SDK1: variants seen among roughly 807,000 people sequenced by gnomAD.
SDK1 encodes the protein sidekick cell adhesion molecule 1, also known as protein sidekick-1.
A neutral mutation model predicts 245.5 loss-of-function variants in SDK1; 157 were observed. The ratio of observed to expected loss-of-function variants is 0.64; its 90% CI spans 0.56 to 0.73. The LOEUF (loss-of-function observed/expected upper bound fraction) is 0.73. Ranked by LOEUF, SDK1 falls within the 30% of genes least tolerant of loss-of-function variation. The pLI is 0.00. For missense variants in SDK1, 3,583 were observed against 3,002.3 expected, an observed-to-expected ratio of 1.19 and a Z score of -4.52; for synonymous variants, 1,647 against 1,278.5, an observed-to-expected ratio of 1.29 and a Z score of -6.15.
intron 30 of SDK1, 86 bp from the exon 31 acceptor site, chr7:4,158,362 C>T (rs1056457339): frequency 1.2e-5 from 13 of 1,091,286 alleles, no homozygotes; most frequent in Non-Finnish European, 1.8e-5. Context: ...AGGGATTTGC[C>T]CCTCTTCCCA....
intron 1 of SDK1, among the ~76,000 whole-genome samples, chr7:3,595,273 C>T (rs994153073): frequency 2.2e-4 from 33 of 151,622 alleles, no homozygotes; most frequent in Non-Finnish European, 2.2e-4. Flanking sequence ...CTACCCTATT[C>T]GTAACTTTAT....
At chr7:4,227,313 T>C in intron 40 of SDK1, 1 of 464,556 alleles carries the variant, frequency 2.2e-6, no homozygotes, top group Non-Finnish European at 4.5e-6. Context: ...TGACAGCTTG[T>C]CAGCCCGGCT....
chr7:3,903,245 T>G (rs1199445216), intron 5 of SDK1, among the ~76,000 whole-genome samples: 4 of 150,582 alleles, frequency 2.7e-5, no homozygotes, highest in Admixed American at 6.6e-5. Flanking sequence ...CCGGGTTCAC[T>G]CCATTCTCCT....
At chr7:3,906,286 C>CA (rs1280682732) in intron 5 of SDK1, among the ~76,000 whole-genome samples, 1 of 152,020 alleles carries the variant, frequency 6.6e-6, no homozygotes, top group African/African-American at 2.4e-5. Context: ...TCATTTTTAA[C>CA]TTATTTTGTA....
chr7:3,964,135 G>C (rs1167185832), intron 9 of SDK1, among the ~76,000 whole-genome samples: 1 of 152,256 alleles, frequency 6.6e-6, no homozygotes, highest in Non-Finnish European at 1.5e-5. Flanking sequence ...ACTACACACA[G>C]AAAATGGTAG....
chr7:3,610,003 G>C (rs1437181621), intron 1 of SDK1, among the ~76,000 whole-genome samples: 2 of 152,170 alleles, frequency 1.3e-5, no homozygotes, highest in Non-Finnish European at 2.9e-5. Context: ...ACCTGGCATA[G>C]AGCTGGGATT....
At chr7:3,831,810 G>C (rs1779918970) in intron 5 of SDK1, among the ~76,000 whole-genome samples, 1 of 152,074 alleles carries the variant, frequency 6.6e-6, no homozygotes, top group African/African-American at 2.4e-5. Context: ...GCTTTGGGAG[G>C]CTGAGGCAGG....
intron 7 of SDK1, among the ~76,000 whole-genome samples, chr7:3,955,388 T>C (rs1457682591): frequency 1.3e-5 from 2 of 152,222 alleles, no homozygotes; most frequent in African/African-American, 2.4e-5. Flanking sequence ...CCTCTCCTTT[T>C]AGGGGCTCAC....
At chr7:3,666,317 T>C (rs1387962830) in intron 4 of SDK1, among the ~76,000 whole-genome samples, 1 of 152,218 alleles carries the variant, frequency 6.6e-6, no homozygotes, top group Non-Finnish European at 1.5e-5. Flanking sequence ...CCTTGTACAC[T>C]GTCCCAGCTG....
At chr7:3,724,769 A>T (rs1778959793) in intron 4 of SDK1, among the ~76,000 whole-genome samples, 1 of 152,094 alleles carries the variant, frequency 6.6e-6, no homozygotes, top group African/African-American at 2.4e-5. Flanking sequence ...CGGAAGGAAA[A>T]AGGAATGAGG....
chr7:4,063,200 A>T (rs1779647849), intron 19 of SDK1, among the ~76,000 whole-genome samples: 1 of 152,164 alleles, frequency 6.6e-6, no homozygotes. Context: ...TGTCTAAACA[A>T]ACCTAGACTC....
chr7:3,997,621 T>C (rs1358158210), intron 14 of SDK1, among the ~76,000 whole-genome samples: 3 of 152,156 alleles, frequency 2.0e-5, no homozygotes, highest in East Asian at 3.9e-4. Context: ...CCTCCTGTCA[T>C]CTGCTCAGCT....
At chr7:3,500,441 A>G (rs928165545) in intron 1 of SDK1, among the ~76,000 whole-genome samples, 1 of 151,984 alleles carries the variant, frequency 6.6e-6, no homozygotes, top group African/African-American at 2.4e-5. Context: ...GTGGGAAATA[A>G]TTTTCCTCAC....
intron 4 of SDK1, among the ~76,000 whole-genome samples, chr7:3,693,153 CAAATA>C (rs1358099579): frequency 1.3e-5 from 2 of 151,650 alleles, no homozygotes; most frequent in South Asian, 2.1e-4. Context: ...TGTTTTTTTA[CAAATA>C]AAATGTTGTA....
chr7:4,074,797 A>G (rs945203606), intron 20 of SDK1, among the ~76,000 whole-genome samples: 1 of 146,814 alleles, frequency 6.8e-6, no homozygotes, highest in Admixed American at 6.8e-5. Flanking sequence ...GAGTGGTTCA[A>G]GGTTGCAGTG....
intron 5 of SDK1, among the ~76,000 whole-genome samples, chr7:3,836,240 TATAA>T (rs1253655075): frequency 2.0e-5 from 3 of 152,336 alleles, no homozygotes; most frequent in African/African-American, 7.2e-5. Flanking sequence ...ACAAATGAGC[TATAA>T]ATATTAGTTC....
intron 1 of SDK1, among the ~76,000 whole-genome samples, chr7:3,336,157 A>G (rs1780193950): frequency 1.3e-5 from 2 of 152,066 alleles, no homozygotes; most frequent in African/African-American, 4.8e-5. Context: ...GTCAGTACTC[A>G]CTCTGCTCCA....
chr7:3,404,446 C>G (rs879548257), intron 1 of SDK1, among the ~76,000 whole-genome samples: 1 of 152,148 alleles, frequency 6.6e-6, no homozygotes, highest in African/African-American at 2.4e-5. Flanking sequence ...TTAATTTACT[C>G]TCAGAACAGA....
intron 5 of SDK1, among the ~76,000 whole-genome samples, chr7:3,928,148 A>G (rs1264133475): frequency 1.3e-5 from 2 of 152,264 alleles, no homozygotes; most frequent in East Asian, 1.9e-4. Flanking sequence ...AAAAAGGTAT[A>G]GGAAAATTAA....
Sources: gnomAD v4.1 joint callset for allele counts (sites outside exome capture counted in the v4.1 genomes callset) on GRCh38, gnomAD v4.1.1 for gene constraint, MANE v1.5 for transcripts, NCBI Gene and HGNC (gene_info 2026-07-23, HGNC 2026-07-21) for gene names.